TLN1: variants seen among roughly 807,000 people sequenced by gnomAD.
TLN1 encodes the protein talin 1.
Under a neutral mutation model 292.3 loss-of-function variants are expected in TLN1, and 56 were observed. The ratio of observed to expected loss-of-function variants is 0.19; its 90% CI spans 0.15 to 0.24. The LOEUF (loss-of-function observed/expected upper bound fraction) is 0.24, where lower values mean the gene tolerates loss of function less well. TLN1 is among the 10% of genes least tolerant of loss of function. The pLI is 1.00. For missense variants in TLN1, 2,433 were observed against 3,248.2 expected (o/e 0.75, Z 6.10); for synonymous variants, 1,119 against 1,253.7 (o/e 0.89, Z 2.27).
Position 35,724,438 on chromosome 9 carries a change from T to A in TLN1, c.512-104A>T. ...CTACCTCCCCTCACTTAAATGTAAG[T>A]CCCATGAGTGTAGGACTTTGTTTTC... is the stretch of plus-strand genomic sequence containing the variant. On this transcript the variant is annotated intron_variant, in intron 5 of 56. Transcript: ENST00000314888. The surrounding 1 kb of genome is among the most constrained non-coding windows in gnomAD (Gnocchi z 4.7). 5 of 1,572,824 alleles carry A rather than the reference T, an allele frequency of 3.2e-6. No individual in the cohort carries two copies. The highest frequency in any genetic ancestry group is 4.3e-6 in the Non-Finnish European group (5 of 1,151,520).
At position 35,711,598 on chromosome 9, in the gene TLN1, A is replaced by C; in HGVS notation, c.3876T>G (p.Ala1292=). 2 of 1,613,532 alleles carry C rather than the reference A, an allele frequency of 1.2e-6. No individual in the cohort carries two copies. The highest frequency in any genetic ancestry group is 4.5e-5 in the East Asian group (2 of 44,874). Residue 1292 remains alanine, a synonymous_variant, in exon 29 of 57, where the codon GCT becomes GCG. Coordinates refer to ENST00000314888, the MANE Select transcript of TLN1 (RefSeq NM_006289.4). ...CAGACCCTCTGCCTCTTCATACCGG[A>C]GCCTGGCCTGCCATCTCCACACCAG... ...LEAGVEMAGQ[A]PSQEDRAQVV... is the part of the protein sequence containing the mutation.
chr9:35,701,597 A>G (rs1825467923), intron 48 of TLN1, among the ~76,000 whole-genome samples: 1 of 152,208 alleles, frequency 6.6e-6, no homozygotes, highest in Admixed American at 6.5e-5. Flanking sequence ...TAAAAACATA[A>G]TTTTAGCTAC....
At chr9:35,728,495 C>G (rs997634685) in intron 1 of TLN1, among the ~76,000 whole-genome samples, 1 of 152,062 alleles carries the variant, frequency 6.6e-6, no homozygotes, top group Non-Finnish European at 1.5e-5. Flanking sequence ...AGAACTTCCC[C>G]CGGTACAGCC....
intron 3 of TLN1, 85 bp downstream of exon 3, chr9:35,725,139 C>T (rs544774323): frequency 6.5e-7 from 1 of 1,548,024 alleles, no homozygotes. Flanking sequence ...TAAGAGACAA[C>T]AGATGTGGGT....
At chr9:35,705,719 G>A in intron 42 of TLN1, 31 bp downstream of exon 42, 4 of 1,614,180 alleles carry the variant, frequency 2.5e-6, no homozygotes, top group Non-Finnish European at 3.4e-6. Flanking sequence ...AGCTCTCCGA[G>A]GGCAGTCCTC....
In TLN1 at chr9:35,705,798, T is replaced by A. The variant is rs751936086; in HGVS notation, c.5565A>T (p.Thr1855=). 1.2e-6 allele frequency: 2 copies of A among 1,614,250 alleles called. No individual in the cohort carries two copies. Among genetic ancestry groups the A allele is most frequent in the African/African-American group, 2.7e-5 (2 of 75,070 alleles). ...TGGCCTTGGCTGTCCGCACCATAGT[T>A]GTTTGGTAATCCACGAAGGAACCTT... ...EPEGSFVDYQ[T]TMVRTAKAIA... The change falls in exon 42 of 57, where the codon ACA becomes ACT. Residue 1855 remains threonine, a synonymous_variant. Transcript: ENST00000314888.
rs1825920985 is a variant in TLN1 at position 35,723,878 on chromosome 9, G to A, written c.782+74C>T. 1.9e-6 allele frequency: 3 copies of A among 1,584,386 alleles called. No individual in the cohort carries two copies. In the East Asian group the frequency reaches 6.7e-5, roughly 35 times the overall value. On this transcript the variant is annotated intron_variant, in intron 7 of 56. Transcript: ENST00000314888. ...AAATAGTGGGGGGCAGGCTTGGAAT[G>A]GAGACAGGCCCACTGGGGTCACAAT...
intron 7 of TLN1, chr9:35,723,469 G>C (rs1825914312): frequency 5.4e-6 from 1 of 184,838 alleles, no homozygotes; most frequent in African/African-American, 2.4e-5. Flanking sequence ...AATTAAGTTA[G>C]AGGCTCAGTC....
At position 35,704,583 on chromosome 9, in the gene TLN1, G is replaced by C; in HGVS notation, c.5881-85C>G. The C allele has an allele frequency of 6.3e-7, 1 of 1,589,642 alleles. No individual in the cohort carries two copies. The highest frequency in any genetic ancestry group is 8.6e-7 in the Non-Finnish European group (1 of 1,166,494). On this transcript the variant is annotated intron_variant, in intron 44 of 56. Coordinates refer to ENST00000314888, the MANE Select transcript of TLN1 (RefSeq NM_006289.4). This position sits in a 1 kb window ranked among gnomAD's most constrained non-coding sequence, Gnocchi z 6.9. ...CCATGCCTGGGAGAAGTGACAACAG[G>C]AGAGGGCTGAGAGGGCTGGAGGAGG...
At position 35,698,129 on chromosome 9, in the gene TLN1, T is replaced by C; in HGVS notation, c.7415A>G (p.Lys2472Arg). ...AAAGGCTGCAGCCTTCTGTGCTGCT[T>C]TCACCAGATTATCTGAGGCTCGCTT... ...AVKRASDNLVKAAQKAAAFEE... is the reference protein window; with the variant it reads ...AVKRASDNLVRAAQKAAAFEE... The change falls in exon 56 of 57, where the codon AAA becomes AGA. Residue 2472 changes from lysine to arginine, a missense_variant. By Grantham distance (26) the Lys-to-Arg change is conservative (BLOSUM62 2). Around this residue, in one of 7 missense-constraint regions of TLN1, gnomAD observed 141 missense variants for 248.5 expected, o/e 0.57. Coordinates refer to ENST00000314888, the MANE Select transcript of TLN1 (RefSeq NM_006289.4). The surrounding 1 kb of genome is among the most constrained non-coding windows in gnomAD (Gnocchi z 5.3). The C allele has an allele frequency of 6.2e-7, 1 of 1,614,064 alleles. No homozygotes were observed. The highest frequency in any genetic ancestry group is 8.5e-7 in the Non-Finnish European group (1 of 1,180,042).
rs1825510359 is a variant in TLN1 at position 35,703,784 on chromosome 9, G to T, written c.6348C>A (p.Asn2116Lys). The stretch of plus-strand genomic sequence containing the variant: ...TCTCATTCTCTCCAACCTTGGCAGA[G>T]TTCTTTAGCTGCCACACAGCAGGGT... ...GDDPAVWQLKNSAKVMVTNVT... is the reference protein window; with the variant it reads ...GDDPAVWQLKKSAKVMVTNVT... The change falls in exon 47 of 57, where the codon AAC becomes AAA. Residue 2116 changes from asparagine to lysine, a missense_variant. This residue lies in a region of TLN1 where 1,384 missense variants were observed against 1,699.6 expected (regional missense o/e 0.81). Coordinates refer to ENST00000314888, the MANE Select transcript of TLN1 (RefSeq NM_006289.4). The T allele has an allele frequency of 6.2e-7, 1 of 1,614,114 alleles. No individual in the cohort carries two copies. Among genetic ancestry groups the T allele is most frequent in the Non-Finnish European group, 8.5e-7 (1 of 1,180,052 alleles).
rs1825588625 is a variant in TLN1, at chr9:35,707,580, A to G, written c.4633-92T>C. 4 of 1,578,376 alleles carry G rather than the reference A, an allele frequency of 2.5e-6. No homozygotes were observed. Among genetic ancestry groups the G allele is most frequent in the East Asian group, 2.3e-5 (1 of 44,438 alleles). On this transcript the variant is annotated intron_variant, in intron 35 of 56. Transcript: ENST00000314888. This position sits in a 1 kb window ranked among gnomAD's most constrained non-coding sequence, Gnocchi z 5.6. ...AGGTCTCCTTCCTGGGACTTACAGG[A>G]TTTGGGGAGAGGCTAGGTGGTCAGT...
chr9:35,720,980 G>T, intron 10 of TLN1, 67 bp from the exon 11 acceptor site: 2 of 1,305,726 alleles, frequency 1.5e-6, no homozygotes, highest in Non-Finnish European at 2.2e-6. Context: ...TGGCTAGGAT[G>T]GGAGGCCCAA....
chr9:35,697,543 A>G lies in TLN1; in HGVS notation c.*248T>C. On this transcript the variant is annotated 3_prime_UTR_variant, in exon 57 of 57. Transcript: ENST00000314888. Reference sequence around the variant, plus strand: ...CAGATCGAGGTACAGCAGCGTTAATAATACTCTTGGAGCGTTAATACTCTG... The same window carrying G: ...CAGATCGAGGTACAGCAGCGTTAATGATACTCTTGGAGCGTTAATACTCTG... 1 of 533,158 alleles carries G rather than the reference A, an allele frequency of 1.9e-6. No individual in the cohort carries two copies. The highest frequency in any genetic ancestry group is 3.3e-6 in the Non-Finnish European group (1 of 305,026). 33.0% of individuals were successfully genotyped at this position (533,158 alleles called of 1,614,324 possible). A position where few individuals can be genotyped will look rare whatever the true frequency, so the allele number is the denominator to read the frequency against.
At position 35,700,211 on chromosome 9, in the gene TLN1, C is replaced by T; in HGVS notation, c.6640G>A (p.Asp2214Asn). The T allele has an allele frequency of 1.2e-6, 2 of 1,605,864 alleles. No homozygotes were observed. Among genetic ancestry groups the T allele is most frequent in the African/African-American group, 1.3e-5 (1 of 74,952 alleles). ...TANLSRRAIADMLRACKEAAY... is the reference protein window; with the variant it reads ...TANLSRRAIANMLRACKEAAY... ...TCTACCTTGCAAGCCCGAAGCATAT[C>T]TGCAATAGCACGGCGGCTCAGATTG... The change falls in exon 49 of 57, where the codon GAT (aspartate) becomes AAT (asparagine). Residue 2214 changes from aspartate (D) to asparagine (N), a missense_variant. Coordinates refer to ENST00000314888, the MANE Select transcript of TLN1 (RefSeq NM_006289.4).
At position 35,700,285 on chromosome 9, in the gene TLN1, G is replaced by A; in HGVS notation, c.6566C>T (p.Ala2189Val). The A allele has an allele frequency of 6.2e-7, 1 of 1,613,738 alleles. No individual in the cohort carries two copies. Reference sequence around the variant, plus strand: ...GCGACAGGAATTGCCAGCAGCAACGGCCTTGGCGGTTGCCATGGTGATACC... The same window carrying A: ...GCGACAGGAATTGCCAGCAGCAACGACCTTGGCGGTTGCCATGGTGATACC... ...TKGITMATAK[A>V]VAAGNSCRQE... The change falls in exon 49 of 57, where the codon GCC becomes GTC. Residue 2189 changes from alanine (A) to valine (V), a missense_variant. Around this residue, in one of 7 missense-constraint regions of TLN1, gnomAD observed 1,384 missense variants for 1,699.6 expected, o/e 0.81. Coordinates refer to ENST00000314888, the MANE Select transcript of TLN1 (RefSeq NM_006289.4).
At chr9:35,728,908 C>G (rs1431283686) in intron 1 of TLN1, among the ~76,000 whole-genome samples, 1 of 152,138 alleles carries the variant, frequency 6.6e-6, no homozygotes, top group African/African-American at 2.4e-5. Flanking sequence ...AGTACAGAAT[C>G]ACAACGGAGG....
chr9:35,700,125 TAC>T (rs1262565836), intron 49 of TLN1, 44 bp from the exon 50 acceptor site: 12 of 1,594,380 alleles, frequency 7.5e-6, no homozygotes, highest in East Asian at 2.3e-5. Flanking sequence ...CGCAGATCCC[TAC>T]AGTTTCTCTC....
Position 35,699,897 on chromosome 9 carries a change from C to T in TLN1, c.6768+77G>A, listed in dbSNP as rs111273183. The T allele has an allele frequency of 0.012, 16,978 of 1,429,460 alleles. 126 individuals carry two copies. Among genetic ancestry groups the T allele is most frequent in the Non-Finnish European group, 0.015 (15,140 of 1,043,022 alleles). The allele number at this position is 1,429,460 out of a possible 1,614,324, so 88.5% of individuals were successfully genotyped here. On this transcript the variant is annotated intron_variant, in intron 50 of 56. Coordinates refer to ENST00000314888, the MANE Select transcript of TLN1 (RefSeq NM_006289.4). This position sits in a 1 kb window ranked among gnomAD's most constrained non-coding sequence, Gnocchi z 4.0. ...GAGGAGATCTGAGCAAAACAGACAG[C>T]AGGGTGCGAGGCCTGCAGGAAGAGG...
Sources: gnomAD v4.1 joint callset for allele counts (sites outside exome capture counted in the v4.1 genomes callset) on GRCh38, gnomAD v4.1.1 for gene constraint, gnomAD v4.1.1 regional missense constraint, Gnocchi (gnomAD v3.1) non-coding constraint, MANE v1.5 for transcripts, NCBI Gene and HGNC (gene_info 2026-07-23, HGNC 2026-07-21) for gene names.